NDRG2: variants seen among roughly 807,000 people sequenced by gnomAD.
NDRG2 encodes NDRG family member 2.
In NDRG2, 34 loss-of-function variants were observed where a neutral mutation model predicts 58.2. That is an observed-to-expected ratio of 0.58 (90% confidence interval 0.44 to 0.78). The LOEUF (loss-of-function observed/expected upper bound fraction) is 0.78. Ranked by LOEUF, NDRG2 falls within the 30% of genes least tolerant of loss-of-function variation. NDRG2 has a pLI of 0.00. For missense variants in NDRG2, 434 were observed against 471.2 expected, an observed-to-expected ratio of 0.92 and a Z score of 0.73; for synonymous variants, 187 against 175.9, an observed-to-expected ratio of 1.06 and a Z score of -0.50.
chr14:21,040,885 C>T (rs1320903213), intron 1 of NDRG2, among the ~76,000 whole-genome samples: 1 of 152,222 alleles, frequency 6.6e-6, no homozygotes, highest in Non-Finnish European at 1.5e-5. Flanking sequence ...TAGCCATTAT[C>T]ACTTTGAGCA....
intron 1 of NDRG2, chr14:21,031,022 G>C (rs143975728): frequency 5.6e-6 from 9 of 1,608,958 alleles, no homozygotes; most frequent in Non-Finnish European, 7.6e-6. Flanking sequence ...GGCCAAGAAC[G>C]CCCGAACCAT....
At chr14:21,057,252 T>G (rs1252561936) in intron 1 of NDRG2, among the ~76,000 whole-genome samples, 1 of 152,034 alleles carries the variant, frequency 6.6e-6, no homozygotes, top group Non-Finnish European at 1.5e-5. Context: ...CTGACCAACA[T>G]GGAGAAACCC....
At chr14:21,031,913 G>A (rs1454864195) in intron 1 of NDRG2, 2 of 1,614,030 alleles carry the variant, frequency 1.2e-6, no homozygotes, top group Non-Finnish European at 1.7e-6. Flanking sequence ...AGTGGGTGCA[G>A]TGGACCGTTT....
At chr14:21,034,390 T>G in intron 1 of NDRG2, 1 of 815,228 alleles carries the variant, frequency 1.2e-6, no homozygotes, top group Non-Finnish European at 1.9e-6. Context: ...CAACAGTACT[T>G]TAGAGATCAT....
Position 21,025,028 on chromosome 14 carries a change from C to T in NDRG2, c.-1005G>A. The T allele has an allele frequency of 1.0e-6, 1 of 986,122 alleles. No individual in the cohort carries two copies. Among genetic ancestry groups the T allele is most frequent in the East Asian group, 1.1e-4 (1 of 8,812 alleles). The allele number at this position is 986,122 out of a possible 1,614,324, so 61.1% of individuals were successfully genotyped here. On this transcript the variant is annotated 5_prime_UTR_variant, in exon 1 of 16. Transcript: ENST00000556147. The surrounding 1 kb of genome is among the most constrained non-coding windows in gnomAD (Gnocchi z 5.1). ...GGCCCCTCGCCTGCCCCTCCCCCTA[C>T]CTGCTGCCGCCGCGGCCGCTTCCAC...
At chr14:21,021,373 TGAATACCAAAG>T in intron 6 of NDRG2, 1 of 329,580 alleles carries the variant, frequency 3.0e-6, no homozygotes, top group Non-Finnish European at 5.9e-6. Flanking sequence ...CACCTCCCTC[TGAATACCAAAG>T]ACACTTGGTC....
At chr14:21,034,439 G>T (rs117238774) in intron 1 of NDRG2, 212 of 647,462 alleles carry the variant, frequency 3.3e-4, no homozygotes, top group Non-Finnish European at 5.1e-4. Context: ...AGAAAGAGGA[G>T]ATGCTTGCCC....
In NDRG2 at chr14:21,019,983, G is replaced by T. The variant is rs747711151; in HGVS notation, c.556-7C>A. 1 of 1,613,224 alleles carries T rather than the reference G, an allele frequency of 6.2e-7. No homozygotes were observed. Among genetic ancestry groups the T allele is most frequent in the Non-Finnish European group, 8.5e-7 (1 of 1,179,790 alleles). On this transcript the variant is annotated splice_region_variant and splice_polypyrimidine_tract_variant and intron_variant, in intron 8 of 15. Transcript: ENST00000556147. ...AAGAGGTGAGGCCTGTTAGCTATGA[G>T]GAGAAGGCAGGTGAGAAAGTTCAGG...
At position 21,056,835 on chromosome 14, in the gene NDRG2, T is replaced by C. The variant is rs1363836871; in HGVS notation, c.24+13993A>G. Among the ~76,000 whole-genome samples the C allele has an allele frequency of 2.0e-5, 3 of 152,180 alleles. No individual in the cohort carries two copies. The East Asian group carries it at 5.8e-4, about 29-fold the overall frequency. On this transcript the variant is annotated intron_variant, in intron 1 of 14. Transcript: ENST00000403829. ...AACTCAAGCTCCCTCATCTTTAAAA[T>C]GAGGGAGTCAACTGAGATGAACTCT...
Position 21,021,824 on chromosome 14 carries a change from A to ACTGCAGGACGCAAGGGATCATGT in NDRG2, c.377_399dup (p.Tyr134ThrfsTer2). On this transcript the variant is annotated stop_gained and frameshift_variant, in exon 6 of 16. Transcript: ENST00000556147. LOFTEE classifies it high-confidence loss of function. ...GGTTCCCAGGCCTCTCACTTTAGGTACTGCAGGACGCAAGGGATCATGTCT... is the reference window on the plus strand; with the variant it reads ...GGTTCCCAGGCCTCTCACTTTAGGTACTGCAGGACGCAAGGGATCATGTCTGCAGGACGCAAGGGATCATGTCT... The ACTGCAGGACGCAAGGGATCATGT allele has an allele frequency of 3.1e-6, 5 of 1,612,792 alleles. No homozygotes were observed. The highest frequency in any genetic ancestry group is 4.2e-6 in the Non-Finnish European group (5 of 1,179,390).
At chr14:21,028,345 G>C (rs1049557183), upstream of NDRG2, 2 of 152,048 alleles carry the variant, frequency 1.3e-5, no homozygotes, top group African/African-American at 2.4e-5. Flanking sequence ...CCAAACTCCC[G>C]GGCTCAAGCA....
intron 1 of NDRG2, chr14:21,058,255 A>T: frequency 6.2e-7 from 1 of 1,614,188 alleles, no homozygotes; most frequent in Non-Finnish European, 8.5e-7. Context: ...GCAGGTACAA[A>T]GAGAAGCACC....
chr14:21,035,915 A>G (rs1884591887), intron 1 of NDRG2: 1 of 442,792 alleles, frequency 2.3e-6, no homozygotes, highest in African/African-American at 2.0e-5. Flanking sequence ...AGTGAAACAG[A>G]CCAGGAATTG....
Position 21,043,063 on chromosome 14 carries a change from T to A in NDRG2, c.25-19742A>T, listed in dbSNP as rs558985292. On this transcript the variant is annotated intron_variant, in intron 1 of 14. Transcript: ENST00000403829. Reference sequence around the variant, plus strand: ...CTGCTGGGGCTGTGGGTGGCAGAGATCCCAGTCAGTGCCAAGCCCAAGGGC... The same window carrying A: ...CTGCTGGGGCTGTGGGTGGCAGAGAACCCAGTCAGTGCCAAGCCCAAGGGC... 7 of 1,614,124 alleles carry A rather than the reference T, an allele frequency of 4.3e-6. No homozygotes were observed. The South Asian group carries it at 7.7e-5, about 18-fold the overall frequency.
intron 1 of NDRG2, chr14:21,043,252 A>G: frequency 6.2e-7 from 1 of 1,614,168 alleles, no homozygotes; most frequent in Non-Finnish European, 8.5e-7. Context: ...CAGACCCCCA[A>G]AATAGCCTGC....
At chr14:21,051,315 C>G (rs1188375659) in intron 1 of NDRG2, among the ~76,000 whole-genome samples, 2 of 152,174 alleles carry the variant, frequency 1.3e-5, no homozygotes, top group Non-Finnish European at 2.9e-5. Context: ...GCACTTGGAA[C>G]AGTGACTGGA....
upstream of NDRG2, chr14:21,025,313 TGGGGCGGTGTGGGGAGTGCGG>T (rs1883326967): frequency 1.0e-6 from 1 of 954,622 alleles, no homozygotes; most frequent in African/African-American, 1.8e-5. The surrounding 1 kb of genome is among the most constrained non-coding windows in gnomAD (Gnocchi z 5.1). Context: ...CTCCCCGCAT[TGGGGCGGTGTGGGGAGTGCGG>T]GGATCCCTCA....
At chr14:21,062,708 A>AGTGGGTGTGTGTGTGT (rs1886026935) in intron 1 of NDRG2, among the ~76,000 whole-genome samples, 1 of 130,978 alleles carries the variant, frequency 7.6e-6, no homozygotes, top group African/African-American at 3.0e-5. Context: ...GGCTGGGCAC[A>AGTGGGTGTGTGTGTGT]GTGTGTGTGT....
rs878929117 is a variant in NDRG2 at position 21,033,428 on chromosome 14, G to A, written c.25-10107C>T. The A allele has an allele frequency of 3.4e-4, 101 of 294,218 alleles. 1 individual carries two copies. The South Asian group carries it at 3.7e-3, about 11-fold the overall frequency. 18.2% of individuals were successfully genotyped at this position (294,218 alleles called of 1,614,324 possible). A position where few individuals can be genotyped will look rare whatever the true frequency, so the allele number is the denominator to read the frequency against. On this transcript the variant is annotated intron_variant, in intron 1 of 14. Coordinates refer to the NDRG2 transcript ENST00000403829. Reference sequence around the variant, plus strand: ...TGACATGAGAAGGCTGGTGGGGATGGGGAGGTGAGACTCGGAGCTGGTGCC... The same window carrying A: ...TGACATGAGAAGGCTGGTGGGGATGAGGAGGTGAGACTCGGAGCTGGTGCC...
Sources: gnomAD v4.1 joint callset for allele counts (sites outside exome capture counted in the v4.1 genomes callset) on GRCh38, gnomAD v4.1.1 for gene constraint, Gnocchi (gnomAD v3.1) non-coding constraint, MANE v1.5 for transcripts, NCBI Gene and HGNC (gene_info 2026-07-23, HGNC 2026-07-21) for gene names.